The following FAM234B variants were observed in gnomAD, a reference collection of about 807,000 sequenced individuals.
FAM234B encodes protein FAM234B.
Under a neutral mutation model 69.3 loss-of-function variants are expected in FAM234B, and 33 were observed. The observed-to-expected ratio is 0.48, with a 90% CI of 0.36 to 0.64. The LOEUF is 0.64. Ranked by LOEUF, FAM234B falls within the 30% of genes least tolerant of loss-of-function variation. The probability of loss-of-function intolerance (pLI) is 0.00; values close to 1 mark genes in which losing one functional copy is unlikely to be tolerated. For missense variants in FAM234B, 697 were observed against 769.7 expected, an observed-to-expected ratio of 0.91 and a Z score of 1.12; for synonymous variants, 306 against 306.9, an observed-to-expected ratio of 1.00 and a Z score of 0.03.
At chr12:13,048,970 G>C (rs1361836329) in intron 1 of FAM234B, among the ~76,000 whole-genome samples, 1 of 152,182 alleles carries the variant, frequency 6.6e-6, no homozygotes, top group African/African-American at 2.4e-5. Context: ...CAGTACGGAA[G>C]AAACTGCCCC....
chr12:13,061,569 T>A lies in FAM234B; in HGVS notation c.533-6T>A, dbSNP rs749321582. 1 of 1,608,716 alleles carries A rather than the reference T, an allele frequency of 6.2e-7. No homozygotes were observed. The highest frequency in any genetic ancestry group is 1.1e-5 in the South Asian group (1 of 90,588). Reference sequence around the variant, plus strand: ...TCCTTTTTTTATCTCTCTTGTGTGCTTTTAGGTGTCTCAAGACCAGCTGCT... The same window carrying A: ...TCCTTTTTTTATCTCTCTTGTGTGCATTTAGGTGTCTCAAGACCAGCTGCT... On this transcript the variant is annotated splice_region_variant and splice_polypyrimidine_tract_variant and intron_variant, in intron 3 of 12. Transcript: ENST00000197268.
intron 1 of FAM234B, among the ~76,000 whole-genome samples, chr12:13,050,747 C>T (rs1864867332): frequency 6.6e-6 from 1 of 152,012 alleles, no homozygotes; most frequent in South Asian, 2.1e-4. Flanking sequence ...ATAATATCTA[C>T]CATATAAGAT....
At chr12:13,075,973 C>G (rs758306704) in intron 10 of FAM234B, 53 bp from the exon 11 acceptor site, 1 of 1,269,714 alleles carries the variant, frequency 7.9e-7, no homozygotes. Flanking sequence ...AGGACTGTCA[C>G]GTGTGGGAAT....
chr12:13,074,846 T>G (rs906530235), intron 10 of FAM234B, among the ~76,000 whole-genome samples: 2 of 152,162 alleles, frequency 1.3e-5, no homozygotes, highest in African/African-American at 4.8e-5. Flanking sequence ...TGGGGACTTC[T>G]TCCCATGCAG....
In FAM234B at chr12:13,055,736, T is replaced by C; in HGVS notation, c.223T>C (p.Ser75Pro). The change falls in exon 2 of 13, where the codon TCA (serine) becomes CCA (proline). Residue 75 changes from serine (S) to proline (P), a missense_variant. Ser to Pro is a moderately conservative substitution (Grantham distance 74, BLOSUM62 -1). Around this residue, in one of 3 missense-constraint regions of FAM234B, gnomAD observed 380 missense variants for 447.1 expected, o/e 0.85. Transcript: ENST00000197268. The stretch of plus-strand genomic sequence containing the variant: ...TGCAGAGGCTGCAAAGCCACATCTT[T>C]CAGAAGTCACCACGGAGGGCTACCC... ...EVAEAAKPHL[S>P]EVTTEGYPSE... 6.2e-7 allele frequency: 1 copy of C among 1,614,196 alleles called. No individual in the cohort carries two copies. The highest frequency in any genetic ancestry group is 8.5e-7 in the Non-Finnish European group (1 of 1,180,016).
intron 11 of FAM234B, among the ~76,000 whole-genome samples, chr12:13,077,050 C>T (rs2417247): frequency 0.98 from 148,696 of 152,254 alleles, 72,692 homozygotes; most frequent in South Asian, 1. Flanking sequence ...TTGGGATACA[C>T]GGGGAAGAAC....
intron 5 of FAM234B, among the ~76,000 whole-genome samples, chr12:13,065,901 C>G (rs1012784644): frequency 6.6e-6 from 1 of 152,150 alleles, no homozygotes; most frequent in African/African-American, 2.4e-5. Context: ...TTACTGAAGT[C>G]AAGATATCAG....
chr12:13,065,050 G>T (rs1010070775), intron 5 of FAM234B, among the ~76,000 whole-genome samples: 1 of 152,098 alleles, frequency 6.6e-6, no homozygotes, highest in African/African-American at 2.4e-5. Flanking sequence ...TACTCTCTTG[G>T]TGCACTCAGG....
intron 3 of FAM234B, 70 bp downstream of exon 3, chr12:13,058,619 T>C: frequency 7.7e-7 from 1 of 1,301,186 alleles, no homozygotes; most frequent in Non-Finnish European, 1.1e-6. Context: ...CAGAGCTGTG[T>C]CCCAAGTGGT....
intron 10 of FAM234B, among the ~76,000 whole-genome samples, chr12:13,074,539 A>G (rs1255646223): frequency 6.6e-6 from 1 of 152,178 alleles, no homozygotes; most frequent in Non-Finnish European, 1.5e-5. Flanking sequence ...AAGGTGAAGC[A>G]TGGATTGAGG....
intron 9 of FAM234B, among the ~76,000 whole-genome samples, chr12:13,069,766 G>A (rs138352099): frequency 2.3e-4 from 35 of 152,266 alleles, no homozygotes; most frequent in African/African-American, 7.7e-4. Flanking sequence ...GGCCCCAAAA[G>A]CACAGCTGCA....
chr12:13,080,539 A>G, intron 12 of FAM234B, 86 bp from the exon 13 acceptor site: 4 of 1,110,758 alleles, frequency 3.6e-6, no homozygotes, highest in Non-Finnish European at 5.5e-6. Flanking sequence ...AAAATAGAGA[A>G]ATATTCTGAC....
At chr12:13,058,924 C>T (rs1021027553) in intron 3 of FAM234B, among the ~76,000 whole-genome samples, 3 of 152,224 alleles carry the variant, frequency 2.0e-5, no homozygotes, top group Non-Finnish European at 4.4e-5. Context: ...ATGCTACCCT[C>T]CTATCCCTGG....
chr12:13,068,854 T>G (rs1173500158), intron 9 of FAM234B, 143 bp downstream of exon 9: 1 of 554,360 alleles, frequency 1.8e-6, no homozygotes, highest in African/African-American at 1.9e-5. Context: ...ATTGAGTGGA[T>G]AAAATGAAAA....
Position 13,083,071 on chromosome 12 carries a change from T to C in FAM234B, c.*2441T>C, listed in dbSNP as rs1865257466. The C allele has an allele frequency of 6.6e-6, 1 of 152,048 alleles. No homozygotes were observed. The highest frequency in any genetic ancestry group is 1.5e-5 in the Non-Finnish European group (1 of 68,000). 9.4% of individuals were successfully genotyped at this position (152,048 alleles called of 1,614,324 possible). ...TTCATCTGACCAATGTGGGTGCTGG[T>C]TTCTTGTGAAATGTGTCCCTAAGCC... On this transcript the variant is annotated 3_prime_UTR_variant, in exon 13 of 13. Transcript: ENST00000197268.
In FAM234B at chr12:13,061,721, A is replaced by G; in HGVS notation, c.679A>G (p.Thr227Ala). The G allele has an allele frequency of 1.2e-6, 2 of 1,614,092 alleles. No individual in the cohort carries two copies. The highest frequency in any genetic ancestry group is 1.7e-6 in the Non-Finnish European group (2 of 1,180,008). Reference sequence around the variant, plus strand: ...CTTGGCTGAAACCATCTGCCTTGTGACAGGGACACACAAGATGCTCAGCGC... The same window carrying G: ...CTTGGCTGAAACCATCTGCCTTGTGGCAGGGACACACAAGATGCTCAGCGC... ...GSLAETICLV[T>A]GTHKMLSAFN... Residue 227 changes from threonine to alanine, a missense_variant, in exon 4 of 13, where the codon ACA becomes GCA. Physicochemically the swap from Thr to Ala is moderately conservative, Grantham distance 58. Coordinates refer to ENST00000197268, the MANE Select transcript of FAM234B (RefSeq NM_020853.2).
Position 13,068,637 on chromosome 12 carries a change from A to T in FAM234B, c.1294A>T (p.Thr432Ser), listed in dbSNP as rs1007848617. Residue 432 changes from threonine to serine, a missense_variant, in exon 9 of 13, where the codon ACT becomes TCT. By Grantham distance (58) the Thr-to-Ser change is moderately conservative. Transcript: ENST00000197268. ...CTTTGTCCTTATTTGCAGCCAGCCT[A>T]CTCCTGGATATTTCACTGATGATCA... ...LRLQGLRSQP[T>S]PGYFTDDQTL... is the part of the protein sequence containing the mutation. 1 of 1,611,104 alleles carries T rather than the reference A, an allele frequency of 6.2e-7. No homozygotes were observed. The highest frequency in any genetic ancestry group is 8.5e-7 in the Non-Finnish European group (1 of 1,177,776).
chr12:13,061,529 C>A (rs745840144), intron 3 of FAM234B, 46 bp from the exon 4 acceptor site: 2 of 1,530,966 alleles, frequency 1.3e-6, no homozygotes, highest in East Asian at 4.5e-5. Flanking sequence ...TGCCTCTTAT[C>A]TCCTTTGCCT....
At position 13,061,985 on chromosome 12, in the gene FAM234B, A is replaced by G. The variant is rs887986515; in HGVS notation, c.721+222A>G. Among the ~76,000 whole-genome samples the G allele has an allele frequency of 4.9e-5, 7 of 142,034 alleles. No homozygotes were observed. The South Asian group carries it at 1.6e-3, about 32-fold the overall frequency. The allele number at this position is 142,034 out of a possible 152,430, so 93.2% of individuals were successfully genotyped here. A position where few individuals can be genotyped will look rare whatever the true frequency, so the allele number is the denominator to read the frequency against. ...GGTGATAGGATGGGGCTGGAACTGA[A>G]TTACCCAAACAGAAACTACCCTGAG... is the stretch of plus-strand genomic sequence containing the variant. On this transcript the variant is annotated intron_variant, in intron 4 of 12. Transcript: ENST00000197268.
Sources: allele counts gnomAD v4.1 joint callset (sites outside exome capture counted in the v4.1 genomes callset), GRCh38; gene constraint gnomAD v4.1.1; regional missense constraint gnomAD v4.1.1; transcripts MANE v1.5; gene names NCBI Gene and HGNC (gene_info 2026-07-23, HGNC 2026-07-21).